The following TP53BP1 variants were observed in gnomAD, a reference collection of about 807,000 sequenced individuals.
The protein encoded by TP53BP1 is TP53-binding protein 1.
TP53BP1 carries 61 observed loss-of-function variants against 200.8 expected under a neutral mutation model. That is an observed-to-expected ratio of 0.30 (90% CI 0.25 to 0.38). TP53BP1 has a LOEUF of 0.38. Among genes scored for constraint, TP53BP1 ranks in the 10% least tolerant of loss-of-function variants. The pLI, the probability that TP53BP1 is intolerant of heterozygous loss-of-function variation, is 1.00. For missense variants in TP53BP1, 2,144 were observed against 2,371.9 expected (o/e 0.90, Z 2.00); for synonymous variants, 822 against 844.3 (o/e 0.97, Z 0.46).
chr15:43,412,304 G>A (rs776111832), intron 24 of TP53BP1, among the ~76,000 whole-genome samples: 18 of 152,184 alleles, frequency 1.2e-4, no homozygotes, highest in Non-Finnish European at 1.0e-4. Context: ...TGACAACCAT[G>A]TTGCCTAATT....
chr15:43,493,207 G>C (rs1313468959), upstream of TP53BP1: 1 of 1,455,012 alleles, frequency 6.9e-7, no homozygotes, highest in Non-Finnish European at 9.1e-7. Context: ...CGCTGCCGCC[G>C]CCCGCCACTC....
At chr15:43,457,739 C>T (rs1462079426) in intron 11 of TP53BP1, among the ~76,000 whole-genome samples, 1 of 146,340 alleles carries the variant, frequency 6.8e-6, no homozygotes, top group Non-Finnish European at 1.5e-5. Flanking sequence ...AATCCAGTGG[C>T]CAGGTGTGGT....
At chr15:43,408,812 C>T in intron 26 of TP53BP1, 85 bp downstream of exon 26, 1 of 1,368,368 alleles carries the variant, frequency 7.3e-7, no homozygotes, top group Non-Finnish European at 1.0e-6. Flanking sequence ...TTCTAGAAAG[C>T]TTTACTCTCT....
chr15:43,410,170 A>G (rs1029979617), intron 24 of TP53BP1, among the ~76,000 whole-genome samples: 1 of 152,208 alleles, frequency 6.6e-6, no homozygotes, highest in East Asian at 1.9e-4. Flanking sequence ...GGAGATGAAT[A>G]GCTGATGAAC....
chr15:43,440,894 AT>A (rs2045911982), intron 15 of TP53BP1, among the ~76,000 whole-genome samples: 1 of 152,218 alleles, frequency 6.6e-6, no homozygotes, highest in Non-Finnish European at 1.5e-5. Context: ...GTCTCAAAAA[AT>A]AAAAAAGAAA....
intron 4 of TP53BP1, among the ~76,000 whole-genome samples, chr15:43,487,762 C>T (rs890259475): frequency 1.4e-5 from 2 of 143,670 alleles, no homozygotes; most frequent in Admixed American, 7.2e-5. Flanking sequence ...CCAGCCTGGG[C>T]GACAGAGCAA....
rs1405887521 is a variant in TP53BP1, at chr15:43,475,670, G to T, written c.980C>A (p.Pro327His). The change falls in exon 9 of 28, where the codon CCT becomes CAT. Residue 327 changes from proline to histidine, a missense_variant. By Grantham distance (77) the Pro-to-His change is moderately conservative. This residue lies in a region of TP53BP1 where 1,700 missense variants were observed against 1,710.3 expected (regional missense o/e 0.99). Transcript: ENST00000382044. ...KTVSSDGCST[P>H]SREEGGCSLA... ...AGAACACCCACCTTCCTCCCTTGAA[G>T]GAGTAGAGCAACCATCAGAAGATAC... 1 of 1,613,824 alleles carries T rather than the reference G, an allele frequency of 6.2e-7. No homozygotes were observed. The highest frequency in any genetic ancestry group is 8.5e-7 in the Non-Finnish European group (1 of 1,180,026).
chr15:43,442,277 G>A (rs1252818979), intron 14 of TP53BP1, among the ~76,000 whole-genome samples: 1 of 151,824 alleles, frequency 6.6e-6, no homozygotes, highest in Non-Finnish European at 1.5e-5. Context: ...TAGTCGAGAC[G>A]GGGTTTCACC....
chr15:43,426,238 G>A (rs914517943), intron 18 of TP53BP1, among the ~76,000 whole-genome samples: 6 of 151,428 alleles, frequency 4.0e-5, no homozygotes, highest in African/African-American at 1.5e-4. Context: ...TCAGGAGTTT[G>A]AGACCAGCCT....
At chr15:43,431,191 C>T (rs891063435) in intron 17 of TP53BP1, among the ~76,000 whole-genome samples, 10 of 152,048 alleles carry the variant, frequency 6.6e-5, no homozygotes, top group African/African-American at 2.2e-4. Flanking sequence ...AGTATTTAAA[C>T]CTTAGTATTT....
At chr15:43,415,479 G>C (rs556900594) in intron 23 of TP53BP1, 115 bp downstream of exon 23, 22 of 1,146,174 alleles carry the variant, frequency 1.9e-5, no homozygotes, top group Non-Finnish European at 2.9e-5. Context: ...GCAGGACCCC[G>C]ACTTTATAGC....
rs138616933 is a variant in TP53BP1 at position 43,406,775 on chromosome 15, T to TTTATC, written c.*603_*607dup. 10,941 of 362,026 alleles carry TTTATC rather than the reference T, an allele frequency of 0.03. 362 individuals are homozygous for TTTATC. The highest frequency in any genetic ancestry group is 0.087 in the South Asian group (3,902 of 44,854). The allele number at this position is 362,026 out of a possible 1,614,324, so 22.4% of individuals were successfully genotyped here. On this transcript the variant is annotated 3_prime_UTR_variant, in exon 28 of 28. Transcript: ENST00000382044. ...GGTGTTCTCACTTGTGCTTCCCATG[T>TTTATC]TTATCTTACGGAAGGTCATTCCATC...
At chr15:43,453,193 C>CAAAAAAAAAAAA (rs34555611) in intron 12 of TP53BP1, among the ~76,000 whole-genome samples, 1 of 41,428 alleles carries the variant, frequency 2.4e-5, no homozygotes, top group African/African-American at 9.1e-5. Flanking sequence ...GACTCCGTCT[C>CAAAAAAAAAAAA]AAAAAAAAAA....
At chr15:43,487,620 C>T (rs1223837645) in intron 4 of TP53BP1, among the ~76,000 whole-genome samples, 1 of 151,724 alleles carries the variant, frequency 6.6e-6, no homozygotes, top group Non-Finnish European at 1.5e-5. Flanking sequence ...TGGTGAAATC[C>T]CGCCTCTACT....
At chr15:43,447,186 T>C in intron 13 of TP53BP1, 180 bp downstream of exon 13, 1 of 613,858 alleles carries the variant, frequency 1.6e-6, no homozygotes, top group Non-Finnish European at 2.8e-6. Context: ...TTCCTTCCTC[T>C]CTTTACCCCT....
intron 12 of TP53BP1, among the ~76,000 whole-genome samples, chr15:43,447,868 T>C (rs2046079635): frequency 6.6e-6 from 1 of 152,188 alleles, no homozygotes; most frequent in African/African-American, 2.4e-5. Context: ...CAGAACAACA[T>C]AATTTTGTGC....
intron 14 of TP53BP1, among the ~76,000 whole-genome samples, chr15:43,445,943 C>T (rs2046032460): frequency 6.6e-6 from 1 of 152,160 alleles, no homozygotes; most frequent in African/African-American, 2.4e-5. Context: ...ATATTACTCC[C>T]TTGCCTAAAA....
chr15:43,456,283 A>C lies in TP53BP1; in HGVS notation c.2325T>G (p.Val775=), dbSNP rs1418882276. ...CCACTCCCTCCAAAGGTTCACAAGA[A>C]ACATCAACTCTGGGAGATGGCTCTT... ...DVKEPSPRVD[V]SCEPLEGVEK... The change falls in exon 12 of 28, where the codon GTT becomes GTG. Residue 775 remains valine, a synonymous_variant. Transcript: ENST00000382044. 6.2e-7 allele frequency: 1 copy of C among 1,614,088 alleles called. No homozygotes were observed. The highest frequency in any genetic ancestry group is 1.3e-5 in the African/African-American group (1 of 74,948).
chr15:43,474,087 G>A (rs1327717518), intron 10 of TP53BP1, among the ~76,000 whole-genome samples: 1 of 152,180 alleles, frequency 6.6e-6, no homozygotes, highest in Non-Finnish European at 1.5e-5. Flanking sequence ...ACTGCTGGGG[G>A]ACCCAGTACA....
Sources: allele counts gnomAD v4.1 joint callset (sites outside exome capture counted in the v4.1 genomes callset), GRCh38; gene constraint gnomAD v4.1.1; regional missense constraint gnomAD v4.1.1; transcripts MANE v1.5; gene names NCBI Gene and HGNC (gene_info 2026-07-23, HGNC 2026-07-21).